TMEM117: variants seen among roughly 807,000 people sequenced by gnomAD.
TMEM117 encodes the protein transmembrane protein 117.
In TMEM117, 27 loss-of-function variants were observed where a neutral mutation model predicts 52.4. That is an observed-to-expected ratio of 0.51 (90% CI 0.38 to 0.71). The LOEUF is 0.71. TMEM117 is among the 30% of genes least tolerant of loss of function. The pLI is 0.00. For missense variants in TMEM117, 556 were observed against 630.5 expected, an observed-to-expected ratio of 0.88 and a Z score of 1.26; for synonymous variants, 215 against 206.3, an observed-to-expected ratio of 1.04 and a Z score of -0.36.
chr12:43,988,847 GT>G (rs1357087784), intron 3 of TMEM117, among the ~76,000 whole-genome samples: 2 of 152,094 alleles, frequency 1.3e-5, no homozygotes, highest in Non-Finnish European at 2.9e-5. Context: ...GTATTTAAGT[GT>G]TTGCTAAACA....
At chr12:44,294,703 A>C (rs1051426598) in intron 5 of TMEM117, among the ~76,000 whole-genome samples, 3 of 152,208 alleles carry the variant, frequency 2.0e-5, no homozygotes, top group African/African-American at 7.2e-5. Context: ...CACAAACTGC[A>C]ATACCACACA....
At chr12:44,217,670 C>T (rs575374032) in intron 5 of TMEM117, among the ~76,000 whole-genome samples, 3 of 152,224 alleles carry the variant, frequency 2.0e-5, no homozygotes, top group Admixed American at 2.0e-4. Flanking sequence ...TGAATTAGTT[C>T]TCACAAAAGT....
intron 6 of TMEM117, among the ~76,000 whole-genome samples, chr12:44,332,712 TACACACAC>T (rs34633299): frequency 0.024 from 3,406 of 143,224 alleles, 120 homozygotes; most frequent in African/African-American, 0.071. Flanking sequence ...CTACTGTTAC[TACACACAC>T]ACACACACAC....
At chr12:44,332,745 A>ACG (rs1440544140) in intron 6 of TMEM117, among the ~76,000 whole-genome samples, 1 of 151,428 alleles carries the variant, frequency 6.6e-6, no homozygotes, top group East Asian at 1.9e-4. Flanking sequence ...ACACACACAC[A>ACG]CACAGACACA....
the TMEM117 span, chr12:43,797,221 G>A: frequency 6.7e-7 from 1 of 1,486,436 alleles, no homozygotes. Flanking sequence ...AGCCCTCTGG[G>A]CAAGAAATAA....
chr12:44,249,068 A>G (rs1950166138), intron 5 of TMEM117: 1 of 152,196 alleles, frequency 6.6e-6, no homozygotes, highest in Non-Finnish European at 1.5e-5. Context: ...CAGTTTCTGA[A>G]GAGGCCTCAA....
At chr12:44,381,609 G>T (rs538239501) in intron 7 of TMEM117, among the ~76,000 whole-genome samples, 8 of 152,280 alleles carry the variant, frequency 5.3e-5, no homozygotes, top group African/African-American at 1.7e-4. Context: ...CTGTTGGCAC[G>T]ATGATGCCCA....
At chr12:43,817,023 C>T in the TMEM117 span, among the ~76,000 whole-genome samples, 1 of 152,214 alleles carries the variant, frequency 6.6e-6, no homozygotes, top group South Asian at 2.1e-4. Context: ...ACACTGGATT[C>T]TTCAGCATTC....
At chr12:44,273,373 CAT>C (rs144839729) in intron 5 of TMEM117, among the ~76,000 whole-genome samples, 3,245 of 149,694 alleles carry the variant, frequency 0.022, 95 homozygotes, top group East Asian at 0.092. Context: ...AATAAATATA[CAT>C]ATATATATAT....
At chr12:44,320,620 C>G (rs1951117714) in intron 6 of TMEM117, among the ~76,000 whole-genome samples, 1 of 152,096 alleles carries the variant, frequency 6.6e-6, no homozygotes, top group African/African-American at 2.4e-5. Context: ...TAGTACAGAC[C>G]TTTGCATGTG....
chr12:44,157,836 AG>A (rs1565853234), intron 4 of TMEM117, among the ~76,000 whole-genome samples: 1 of 152,138 alleles, frequency 6.6e-6, no homozygotes, highest in Non-Finnish European at 1.5e-5. Context: ...ACTAAAAAGA[AG>A]TATTGAGGAA....
At chr12:43,979,505 A>T (rs1945725253) in intron 3 of TMEM117, among the ~76,000 whole-genome samples, 2 of 152,080 alleles carry the variant, frequency 1.3e-5, no homozygotes, top group South Asian at 4.1e-4. Context: ...TTCATTATTG[A>T]TAGTTGGTAT....
At chr12:43,832,585 T>C (rs2137328188), upstream of TMEM117, among the ~76,000 whole-genome samples, 1 of 152,350 alleles carries the variant, frequency 6.6e-6, no homozygotes, top group African/African-American at 2.4e-5. Flanking sequence ...TGTATAACTT[T>C]ATAGCGAGTA....
In TMEM117 at chr12:44,389,358, C is replaced by T. The variant is rs978672848; in HGVS notation, c.*686C>T. 5.9e-5 allele frequency: 9 copies of T among 152,528 alleles called. No homozygotes were observed. Among genetic ancestry groups the T allele is most frequent in the African/African-American group, 1.9e-4 (8 of 41,430 alleles). The allele number at this position is 152,528 out of a possible 1,614,324, so 9.4% of individuals were successfully genotyped here. ...AGGTGATGATACCTAATTATGTTTT[C>T]CTAATTAAAGATAAATTGCTACTTG... is the stretch of plus-strand genomic sequence containing the variant. On this transcript the variant is annotated 3_prime_UTR_variant, in exon 8 of 8. Transcript: ENST00000266534.
At chr12:43,853,520 T>C (rs1385265602) in intron 2 of TMEM117, among the ~76,000 whole-genome samples, 1 of 152,168 alleles carries the variant, frequency 6.6e-6, no homozygotes, top group Non-Finnish European at 1.5e-5. Context: ...GTGATCCACC[T>C]TGCCTCGGTC....
intron 5 of TMEM117, among the ~76,000 whole-genome samples, chr12:44,224,672 C>G (rs569289931): frequency 6.6e-6 from 1 of 152,106 alleles, no homozygotes; most frequent in Non-Finnish European, 1.5e-5. Context: ...GAAACTCTAT[C>G]GCCATGTAAG....
chr12:43,988,276 C>T (rs748656926), intron 3 of TMEM117, among the ~76,000 whole-genome samples: 4 of 150,978 alleles, frequency 2.6e-5, no homozygotes, highest in Non-Finnish European at 4.4e-5. Flanking sequence ...CTGGCAGCAT[C>T]TAGTAAAATG....
At chr12:44,122,285 C>T (rs1025812971) in intron 3 of TMEM117, among the ~76,000 whole-genome samples, 2 of 152,108 alleles carry the variant, frequency 1.3e-5, no homozygotes, top group African/African-American at 2.4e-5. Context: ...ACCTCGTGAT[C>T]TGCCTGCCTC....
At chr12:44,173,032 C>G (rs1949070125) in intron 4 of TMEM117, among the ~76,000 whole-genome samples, 1 of 152,050 alleles carries the variant, frequency 6.6e-6, no homozygotes. Context: ...GCCGCAAAAT[C>G]TTTCTTTTTT....
Sources: allele counts gnomAD v4.1 joint callset (sites outside exome capture counted in the v4.1 genomes callset), GRCh38; gene constraint gnomAD v4.1.1; transcripts MANE v1.5; gene names NCBI Gene and HGNC (gene_info 2026-07-23, HGNC 2026-07-21).